The following HELZ2 variants were observed in gnomAD, a reference collection of about 807,000 sequenced individuals.
HELZ2 encodes the protein 3'-5' exoribonuclease HELZ2.
A neutral mutation model predicts 208.8 loss-of-function variants in HELZ2; 143 were observed. The observed-to-expected ratio is 0.68, with a 90% CI of 0.60 to 0.79. The LOEUF is 0.79. Ranked by LOEUF, HELZ2 falls within the 30% of genes least tolerant of loss-of-function variation. The pLI is 0.00. For missense variants in HELZ2, 3,690 were observed against 3,794.5 expected (o/e 0.97, Z 0.72); for synonymous variants, 1,705 against 1,693.7 (o/e 1.01, Z -0.16).
At position 63,563,700 on chromosome 20, in the gene HELZ2, G is replaced by A; in HGVS notation, c.5122C>T (p.Gln1708Ter). 3 of 1,585,762 alleles carry A rather than the reference G, an allele frequency of 1.9e-6. No homozygotes were observed. The highest frequency in any genetic ancestry group is 2.6e-6 in the Non-Finnish European group (3 of 1,171,048). ...AGTGCGTGCTGGAGGCTGAAGGCCT[G>A]GCAGAGCCCATCGATGTCCCTGGCA... The change falls in exon 8 of 19, where the codon CAG (glutamine) becomes TAG (stop). Residue 1708 changes from glutamine to a stop codon, truncating the protein, a stop_gained. Coordinates refer to ENST00000467148, the Ensembl canonical transcript of HELZ2. LOFTEE classifies it high-confidence loss of function.
chr20:63,572,065 G>GGGCTCCTGCCCTACTCCA, intron 1 of HELZ2, 43 bp downstream of exon 2: 1 of 1,552,012 alleles, frequency 6.4e-7, no homozygotes, highest in East Asian at 2.3e-5. Flanking sequence ...TGCCTATGGT[G>GGGCTCCTGCCCTACTCCA]GGCTCCTGCC....
chr20:63,567,207 C>G (rs759301257), exon 6 of HELZ2: 2 of 1,607,704 alleles, frequency 1.2e-6, no homozygotes, highest in South Asian at 1.1e-5. Context: ...AGAGGCGGTG[C>G]AGCAGCGTGT....
At chr20:63,565,344 G>A (rs2082939646) in exon 8 of HELZ2, 5 of 1,607,226 alleles carry the variant, frequency 3.1e-6, no homozygotes, top group South Asian at 2.2e-5. Context: ...CAGTCCAGGC[G>A]GCCCCTGACC....
At chr20:63,563,680 G>C in exon 8 of HELZ2, 2 of 1,575,776 alleles carry the variant, frequency 1.3e-6, no homozygotes, top group Non-Finnish European at 1.7e-6. Flanking sequence ...GGGCAAGTGC[G>C]TGCTGGAGGC....
rs780103251 is a variant in HELZ2 at position 63,564,028 on chromosome 20, G to A, written c.4794C>T (p.Leu1598=). 3.1e-6 allele frequency: 5 copies of A among 1,605,062 alleles called. No homozygotes were observed. In the African/African-American group the frequency reaches 4.0e-5, roughly 13 times the overall value. The change falls in exon 8 of 19, where the codon CTC becomes CTT. Residue 1598 remains leucine, a synonymous_variant. Coordinates refer to ENST00000467148, the Ensembl canonical transcript of HELZ2. ...GGACCTGCTTCCAGAGGGAGGCCAG[G>A]AGGTGCAGCCGCGTGTCGGGGGGAC...
chr20:63,566,730 C>T (rs2082963757), intron 6 of HELZ2, 114 bp downstream of exon 7: 4 of 1,079,390 alleles, frequency 3.7e-6, no homozygotes, highest in Non-Finnish European at 5.3e-6. Flanking sequence ...GCAAATACTG[C>T]AGCCCCCTCT....
chr20:63,560,246 C>T lies in HELZ2; in HGVS notation c.7582G>A (p.Ala2528Thr), dbSNP rs759702669. The stretch of plus-strand genomic sequence containing the variant: ...CGAAGGGCCTTGCTGATCTCAGAGG[C>T]CTGCGCGTTGTAGGGCGTGAGGACG... Residue 2528 changes from alanine (A) to threonine (T), a missense_variant, in exon 17 of 19, where the codon GCC (alanine) becomes ACC (threonine). By Grantham distance (58) the Ala-to-Thr change is moderately conservative. Around this residue, in one of 3 missense-constraint regions of HELZ2, gnomAD observed 2,564 missense variants for 2,580.5 expected, o/e 0.99. Coordinates refer to ENST00000467148, the Ensembl canonical transcript of HELZ2. 2.8e-5 allele frequency: 43 copies of T among 1,560,372 alleles called. No homozygotes were observed. The highest frequency in any genetic ancestry group is 1.5e-5 in the Non-Finnish European group (17 of 1,156,798).
chr20:63,569,575 C>A, exon 4 of HELZ2: 1 of 1,590,252 alleles, frequency 6.3e-7, no homozygotes, highest in East Asian at 2.3e-5. Flanking sequence ...TCACCCCGTG[C>A]GTAGAGCCGG....
In HELZ2 at chr20:63,561,090, C is replaced by T. The variant is rs1191781679; in HGVS notation, c.7138G>A (p.Ala2380Thr). The T allele has an allele frequency of 9.9e-6, 16 of 1,610,880 alleles. No individual in the cohort carries two copies. In the East Asian group the frequency reaches 3.6e-4, roughly 36 times the overall value. ...ACCCCCCGCCGACCAACCTTCTCGG[C>T]CTGTGGGAACTGCACCAGGGGGATG... Residue 2380 changes from alanine to threonine, a missense_variant, in exon 14 of 19, where the codon GCC becomes ACC. This residue lies in a region of HELZ2 where 2,564 missense variants were observed against 2,580.5 expected (regional missense o/e 0.99). Transcript: ENST00000467148.
rs41298358 is a variant in HELZ2 at position 63,560,620 on chromosome 20, C to T, written c.7359G>A (p.Pro2453=). ...TGCCAGCGTGGCCCAGGACACTGGG[C>T]GGCCTCCTCAGGCCCTGCCACGTCT... The change falls in exon 16 of 19, where the codon CCG becomes CCA. Residue 2453 remains proline (P), a synonymous_variant. Transcript: ENST00000467148. The T allele has an allele frequency of 1.3e-3, 2,168 of 1,611,000 alleles. 2 individuals carry two copies. The highest frequency in any genetic ancestry group is 1.7e-3 in the Non-Finnish European group (2,042 of 1,179,944).
At chr20:63,570,647 A>AGCGCCCCCCC in intron 2 of HELZ2, 36 bp from the exon 4 acceptor site, 1 of 1,497,372 alleles carries the variant, frequency 6.7e-7, no homozygotes, top group Non-Finnish European at 9.2e-7. Context: ...AGAGGCCTGG[A>AGCGCCCCCCC]CCCCACCCCA....
chr20:63,558,975 G>A (rs1438547502), downstream of HELZ2: 1 of 351,858 alleles, frequency 2.8e-6, no homozygotes, highest in Non-Finnish European at 5.2e-6. Flanking sequence ...ACTTCCCAGG[G>A]ACAGCAGAAC....
intron 3 of HELZ2, chr20:63,569,983 CTT>C (rs1057510657): frequency 9.7e-5 from 48 of 493,226 alleles, no homozygotes; most frequent in Non-Finnish European, 1.6e-4. Flanking sequence ...GAGTTTCACT[CTT>C]GTCGCCAGGC....
In HELZ2 at chr20:63,563,306, C is replaced by T. The variant is rs748149307; in HGVS notation, c.5516G>A (p.Arg1839His). The T allele has an allele frequency of 7.1e-5, 110 of 1,544,422 alleles. No homozygotes were observed. Among genetic ancestry groups the T allele is most frequent in the African/African-American group, 9.5e-5 (7 of 73,414 alleles). Residue 1839 changes from arginine to histidine, a missense_variant, in exon 8 of 19, where the codon CGC becomes CAC. Physicochemically the swap from Arg to His is conservative, Grantham distance 29. This residue lies in a region of HELZ2 where 2,564 missense variants were observed against 2,580.5 expected (regional missense o/e 0.99). Transcript: ENST00000467148. ...GATGAGAGCAGCCGCCTCCGGCCAG[C>T]GCTGCAGCTCCACCAGCTCCAGCAG...
chr20:63,562,621 G>A, exon 8 of HELZ2: 1 of 1,592,552 alleles, frequency 6.3e-7, no homozygotes, highest in East Asian at 2.3e-5. Flanking sequence ...GGACGAAGAG[G>A]TGCACCCGTC....
chr20:63,569,081 G>A, intron 4 of HELZ2, 67 bp downstream of exon 5: 2 of 1,585,080 alleles, frequency 1.3e-6, no homozygotes, highest in South Asian at 2.2e-5. Flanking sequence ...CGCTCCCGTT[G>A]CCCCAGCCGC....
exon 8 of HELZ2, chr20:63,565,656 C>T: frequency 1.2e-6 from 2 of 1,610,426 alleles, no homozygotes; most frequent in African/African-American, 1.3e-5. Flanking sequence ...GCCTCTGCAT[C>T]CTCAGCCTCC....
At position 63,561,268 on chromosome 20, in the gene HELZ2, C is replaced by G. The variant is rs781166327; in HGVS notation, c.6960G>C (p.Lys2320Asn). The G allele has an allele frequency of 1.2e-6, 2 of 1,612,560 alleles. No homozygotes were observed. The highest frequency in any genetic ancestry group is 2.7e-5 in the African/African-American group (2 of 74,926). ...ACTTCCGAGCCTCCCACAAGACCTT[C>G]TTGTACCTGCCGGGGACACTGCTTG... is the stretch of plus-strand genomic sequence containing the variant. Residue 2320 changes from lysine (K) to asparagine (N), a missense_variant, in exon 14 of 19, where the codon AAG (lysine) becomes AAC (asparagine). Physicochemically the swap from Lys to Asn is moderately conservative, Grantham distance 94 (BLOSUM62 0). Around this residue, in one of 3 missense-constraint regions of HELZ2, gnomAD observed 2,564 missense variants for 2,580.5 expected, o/e 0.99. Coordinates refer to ENST00000467148, the Ensembl canonical transcript of HELZ2.
Position 63,571,047 on chromosome 20 carries a change from C to T in HELZ2, c.279-179G>A, listed in dbSNP as rs1600985996. On this transcript the variant is annotated intron_variant, in intron 1 of 18. Transcript: ENST00000467148. ...CAAGCAGTTCCCAAACATGAACCTCCCTTATCCGGGTCCTCAGAGGCCACA... is the reference window on the plus strand; with the variant it reads ...CAAGCAGTTCCCAAACATGAACCTCTCTTATCCGGGTCCTCAGAGGCCACA... 8.9e-6 allele frequency: 5 copies of T among 562,986 alleles called. No individual in the cohort carries two copies. The East Asian group carries it at 1.4e-4, about 16-fold the overall frequency. The allele number at this position is 562,986 out of a possible 1,614,324, so 34.9% of individuals were successfully genotyped here. A position where few individuals can be genotyped will look rare whatever the true frequency, so the allele number is the denominator to read the frequency against.
Sources: gnomAD v4.1 joint callset for allele counts on GRCh38, gnomAD v4.1.1 for gene constraint, gnomAD v4.1.1 regional missense constraint, MANE v1.5 for transcripts, NCBI Gene and HGNC (gene_info 2026-07-23, HGNC 2026-07-21) for gene names.